The following C8orf34 variants were observed in gnomAD, a reference collection of about 807,000 sequenced individuals.
C8orf34 encodes the protein uncharacterized protein C8orf34.
Under a neutral mutation model 68.3 loss-of-function variants are expected in C8orf34, and 65 were observed. That is an observed-to-expected ratio of 0.95 (90% CI 0.78 to 1.17). The LOEUF (loss-of-function observed/expected upper bound fraction) is 1.17. C8orf34 is among the 50% of genes most tolerant of loss of function. C8orf34 has a pLI of 0.00. For missense variants in C8orf34, 664 were observed against 655.4 expected (o/e 1.01, Z -0.14); for synonymous variants, 244 against 241.2 (o/e 1.01, Z -0.11).
chr8:68,709,225 T>C (rs1230294923), intron 9 of C8orf34, 146 bp downstream of exon 9: 5 of 650,098 alleles, frequency 7.7e-6, no homozygotes, highest in Non-Finnish European at 1.4e-5. Flanking sequence ...GCACACTCCT[T>C]GGGGCTGTTT....
In C8orf34 at chr8:68,419,853, G is replaced by A. The variant is rs1430408826; in HGVS notation, c.328-19646G>A. ...TGGGGTGGGGGAAGGGGGGAGGGAT[G>A]GCATTGGGAGATATACCTAATGCGA... On this transcript the variant is annotated intron_variant, in intron 1 of 13. Coordinates refer to ENST00000518698, the MANE Select transcript of C8orf34 (RefSeq NM_052958.4). Among the ~76,000 whole-genome samples, 45 of 146,540 alleles carry A rather than the reference G, an allele frequency of 3.1e-4. 1 individual carries two copies. Among genetic ancestry groups the A allele is most frequent in the Non-Finnish European group, 3.6e-4 (24 of 66,524 alleles).
intron 7 of C8orf34, among the ~76,000 whole-genome samples, chr8:68,588,724 C>T (rs1817279569): frequency 6.6e-6 from 1 of 152,136 alleles, no homozygotes; most frequent in African/African-American, 2.4e-5. Context: ...TTTTACATGG[C>T]ACTCATAATT....
At chr8:68,779,809 C>A (rs140597810) in intron 11 of C8orf34, among the ~76,000 whole-genome samples, 2 of 152,064 alleles carry the variant, frequency 1.3e-5, no homozygotes, top group Admixed American at 1.3e-4. Context: ...TATTAATTAT[C>A]ATAGTTTTAT....
At chr8:68,467,469 C>A (rs1475198510) in intron 3 of C8orf34, among the ~76,000 whole-genome samples, 1 of 151,938 alleles carries the variant, frequency 6.6e-6, no homozygotes, top group Non-Finnish European at 1.5e-5. Context: ...TTAGAGACTT[C>A]TCTTCTGTAG....
At chr8:68,673,580 G>A (rs1337646000) in intron 8 of C8orf34, among the ~76,000 whole-genome samples, 1 of 152,152 alleles carries the variant, frequency 6.6e-6, no homozygotes, top group African/African-American at 2.4e-5. Flanking sequence ...AGATTGGGAA[G>A]GACTTTGTCT....
Position 68,436,163 on chromosome 8 carries a change from G to A in C8orf34, c.328-3336G>A, listed in dbSNP as rs146427129. On this transcript the variant is annotated intron_variant, in intron 1 of 13. Transcript: ENST00000518698. The stretch of plus-strand genomic sequence containing the variant: ...GCAGAAGTTGCAGTGAGCTGAGACT[G>A]TGCCACTGCACTCTATCCTCACCCT... Among the ~76,000 whole-genome samples, 497 of 152,238 alleles carry A rather than the reference G, an allele frequency of 3.3e-3. 1 individual carries two copies. Among genetic ancestry groups the A allele is most frequent in the Non-Finnish European group, 5.8e-3 (395 of 68,026 alleles).
chr8:68,495,808 C>T (rs929789309), intron 5 of C8orf34, among the ~76,000 whole-genome samples: 3 of 152,202 alleles, frequency 2.0e-5, no homozygotes, highest in African/African-American at 7.2e-5. Flanking sequence ...CATTTCCTAT[C>T]TTTGTGCCTA....
intron 10 of C8orf34, among the ~76,000 whole-genome samples, chr8:68,727,204 G>A (rs1055700944): frequency 6.6e-6 from 1 of 152,094 alleles, no homozygotes; most frequent in Non-Finnish European, 1.5e-5. Context: ...AAAACAAAGG[G>A]GTTACAGGGC....
chr8:68,557,542 G>A (rs1010093045), intron 7 of C8orf34, among the ~76,000 whole-genome samples: 5 of 152,022 alleles, frequency 3.3e-5, no homozygotes, highest in African/African-American at 1.2e-4. Context: ...TTTCTTTGCT[G>A]TCTGCCCACC....
intron 1 of C8orf34, among the ~76,000 whole-genome samples, chr8:68,428,238 G>C (rs894415107): frequency 2.0e-5 from 3 of 151,906 alleles, no homozygotes; most frequent in African/African-American, 4.8e-5. Context: ...TTATGCTGCT[G>C]AAAATGATCC....
intron 1 of C8orf34, among the ~76,000 whole-genome samples, chr8:68,376,289 G>GA (rs1273150278): frequency 1.3e-5 from 2 of 151,522 alleles, no homozygotes; most frequent in Non-Finnish European, 2.9e-5. Flanking sequence ...ATAAATGGGG[G>GA]GTCTTATGAA....
chr8:68,736,034 T>C (rs1822112459), intron 10 of C8orf34, among the ~76,000 whole-genome samples: 1 of 152,204 alleles, frequency 6.6e-6, no homozygotes, highest in South Asian at 2.1e-4. Flanking sequence ...ATGTTCTACA[T>C]TTCTTAGACC....
At chr8:68,582,477 T>C (rs1005042216) in intron 7 of C8orf34, among the ~76,000 whole-genome samples, 1 of 152,124 alleles carries the variant, frequency 6.6e-6, no homozygotes, top group Non-Finnish European at 1.5e-5. Context: ...TATGGTGGGC[T>C]TTGGGGAAAA....
chr8:68,606,249 A>T (rs1461137792), intron 7 of C8orf34, among the ~76,000 whole-genome samples: 2 of 152,258 alleles, frequency 1.3e-5, no homozygotes, highest in Middle Eastern at 3.4e-3. Flanking sequence ...AACATGGCTT[A>T]TATTAATATT....
chr8:68,585,317 G>T (rs948875173), intron 7 of C8orf34, among the ~76,000 whole-genome samples: 2 of 151,874 alleles, frequency 1.3e-5, no homozygotes, highest in East Asian at 1.9e-4. Context: ...CCAAAAAAAA[G>T]CTTTGAAAGG....
At chr8:68,558,591 T>G (rs1816325976) in intron 7 of C8orf34, among the ~76,000 whole-genome samples, 1 of 151,670 alleles carries the variant, frequency 6.6e-6, no homozygotes, top group East Asian at 1.9e-4. Flanking sequence ...GAGAAAGAGA[T>G]AGGGCGAGTG....
At chr8:68,457,247 A>C (rs1811592530) in intron 3 of C8orf34, among the ~76,000 whole-genome samples, 2 of 152,186 alleles carry the variant, frequency 1.3e-5, no homozygotes, top group Non-Finnish European at 2.9e-5. Flanking sequence ...TATGTATAGA[A>C]AGTATAAACT....
chr8:68,811,089 C>T (rs1056673322), intron 12 of C8orf34, among the ~76,000 whole-genome samples: 2 of 152,188 alleles, frequency 1.3e-5, no homozygotes, highest in Non-Finnish European at 2.9e-5. Flanking sequence ...GTTGTTTGTG[C>T]CATAGGGCGC....
At chr8:68,781,701 G>A (rs148468120) in intron 11 of C8orf34, among the ~76,000 whole-genome samples, 79 of 152,236 alleles carry the variant, frequency 5.2e-4, no homozygotes, top group Middle Eastern at 3.4e-3. Flanking sequence ...GAACAGGTGC[G>A]TTATATTACT....
Sources: gnomAD v4.1 joint callset for allele counts (sites outside exome capture counted in the v4.1 genomes callset) on GRCh38, gnomAD v4.1.1 for gene constraint, MANE v1.5 for transcripts, NCBI Gene and HGNC (gene_info 2026-07-23, HGNC 2026-07-21) for gene names.